Variants in MAST3 observed in about 807,000 individuals in gnomAD.
MAST3 encodes microtubule-associated serine/threonine-protein kinase 3.
Under a neutral mutation model 127.0 loss-of-function variants are expected in MAST3, and 43 were observed. The observed-to-expected ratio is 0.34, with a 90% CI of 0.27 to 0.44. The LOEUF (loss-of-function observed/expected upper bound fraction) is 0.44, where lower values mean the gene tolerates loss of function less well. Ranked by LOEUF, MAST3 falls within the 20% of genes least tolerant of loss-of-function variation. MAST3 has a pLI of 1.00. For synonymous variants in MAST3, 785 were observed against 809.2 expected, an observed-to-expected ratio of 0.97 and a Z score of 0.51; for missense variants, 1,390 against 1,919.1, an observed-to-expected ratio of 0.72 and a Z score of 5.15.
intron 3 of MAST3, among the ~76,000 whole-genome samples, chr19:18,121,205 G>C (rs2039941235): frequency 6.6e-6 from 1 of 151,890 alleles, no homozygotes; most frequent in Non-Finnish European, 1.5e-5. Context: ...ACCTAGGCTG[G>C]AGTGCTGTGG....
chr19:18,138,096 G>C (rs2042065138), intron 19 of MAST3, among the ~76,000 whole-genome samples: 1 of 151,854 alleles, frequency 6.6e-6, no homozygotes, highest in African/African-American at 2.4e-5. Flanking sequence ...TGTAATCCCA[G>C]CTATTTGGGA....
chr19:18,139,386 G>A (rs1419569305), intron 20 of MAST3, among the ~76,000 whole-genome samples: 5 of 152,094 alleles, frequency 3.3e-5, no homozygotes, highest in African/African-American at 9.7e-5. Flanking sequence ...GTGCAATGGC[G>A]CAGTCTCGGC....
At chr19:18,142,376 G>A (rs886492327) in intron 21 of MAST3, among the ~76,000 whole-genome samples, 12 of 129,218 alleles carry the variant, frequency 9.3e-5, no homozygotes, top group Admixed American at 2.5e-4. Context: ...TTTTGAGACG[G>A]AGTCTCGCTC....
chr19:18,127,281 C>A (rs2040762368), intron 11 of MAST3, among the ~76,000 whole-genome samples: 1 of 150,210 alleles, frequency 6.7e-6, no homozygotes, highest in Non-Finnish European at 1.5e-5. Context: ...GGTGCGGTGG[C>A]TCACGCCTGT....
chr19:18,129,033 T>TGCTGGGGTAGGAGGGGGATG, intron 13 of MAST3, 82 bp downstream of exon 13: 1 of 1,208,530 alleles, frequency 8.3e-7, no homozygotes, highest in Non-Finnish European at 1.2e-6. Flanking sequence ...TGCATCCCCC[T>TGCTGGGGTAGGAGGGGGATG]CCTACCCCAG....
chr19:18,151,656 G>A lies in MAST3; in HGVS notation c.*1930G>A, dbSNP rs2043531812. ...ATTCACCCCCTCCTTCCATCCTGGA[G>A]CTGGCAGTGAATAAAAGCCCGTATT... On this transcript the variant is annotated 3_prime_UTR_variant, in exon 28 of 28. Transcript: ENST00000687212. 1 of 152,272 alleles carries A rather than the reference G, an allele frequency of 6.6e-6. No individual in the cohort carries two copies. The highest frequency in any genetic ancestry group is 1.5e-5 in the Non-Finnish European group (1 of 68,060). The allele number at this position is 152,272 out of a possible 1,614,324, so 9.4% of individuals were successfully genotyped here. A position where few individuals can be genotyped will look rare whatever the true frequency, so the allele number is the denominator to read the frequency against.
rs2040005676 is a variant in MAST3, at chr19:18,121,748, C to T, written c.225C>T (p.Pro75=). Residue 75 remains proline (P), a synonymous_variant, in exon 4 of 28, where the codon CCC becomes CCT. Transcript: ENST00000687212. The stretch of plus-strand genomic sequence containing the variant: ...CGCCCTCCCCGACCCTCTCCCGGCC[C>T]CTGTCGCCATTGTCGGTCCCAACGG... ...VGTPSPTLSR[P]LSPLSVPTGS... The T allele has an allele frequency of 6.2e-7, 1 of 1,613,900 alleles. No individual in the cohort carries two copies. Among genetic ancestry groups the T allele is most frequent in the Admixed American group, 1.7e-5 (1 of 60,004 alleles).
At position 18,124,788 on chromosome 19, in the gene MAST3, G is replaced by C; in HGVS notation, c.1078+14G>C. 1.3e-6 allele frequency: 2 copies of C among 1,576,020 alleles called. No homozygotes were observed. The highest frequency in any genetic ancestry group is 1.7e-6 in the Non-Finnish European group (2 of 1,160,756). On this transcript the variant is annotated intron_variant, in intron 11 of 27. Coordinates refer to ENST00000687212, the MANE Select transcript of MAST3 (RefSeq NM_001393504.1). The stretch of plus-strand genomic sequence containing the variant: ...ACCCCCTGGAGGGTAAGCCGGGATG[G>C]GAAGAGGAAACCAAGGCTGGGAAAG...
At position 18,113,773 on chromosome 19, in the gene MAST3, T is replaced by C. The variant is rs183242318; in HGVS notation, c.161+3032T>C. 2.1e-4 allele frequency among the ~76,000 whole-genome samples: 32 copies of C among 152,236 alleles called. 1 individual carries two copies. The East Asian group carries it at 5.0e-3, about 24-fold the overall frequency. ...CACTGCGCCTGGCCTGATCTTTATA[T>C]TTTTAGTAGAGACAGGGTTTCACCA... On this transcript the variant is annotated intron_variant, in intron 3 of 27. Coordinates refer to ENST00000687212, the MANE Select transcript of MAST3 (RefSeq NM_001393504.1).
chr19:18,118,254 G>A (rs2039532957), intron 3 of MAST3: 1 of 985,322 alleles, frequency 1.0e-6, no homozygotes, highest in Non-Finnish European at 1.2e-6. Context: ...CGCTCCAAGA[G>A]GTAGGGGGCA....
rs534927224 is a variant in MAST3 at position 18,137,230 on chromosome 19, T to C, written c.1973-9T>C. ...AGGACCTGCAGGGCTCAGCGGGGCA[T>C]ATCTGCAGGTGGCACCCACGAAGTG... On this transcript the variant is annotated splice_polypyrimidine_tract_variant and intron_variant, in intron 18 of 27. Coordinates refer to ENST00000687212, the MANE Select transcript of MAST3 (RefSeq NM_001393504.1). The C allele has an allele frequency of 1.2e-6, 2 of 1,610,086 alleles. No individual in the cohort carries two copies. Among genetic ancestry groups the C allele is most frequent in the South Asian group, 2.2e-5 (2 of 90,626 alleles).
chr19:18,149,404 C>CGCCCCT lies in MAST3; in HGVS notation c.3727_3732dup (p.Leu1243_Pro1244dup). 1.4e-6 allele frequency: 2 copies of CGCCCCT among 1,460,154 alleles called. No homozygotes were observed. Among genetic ancestry groups the CGCCCCT allele is most frequent in the Non-Finnish European group, 1.8e-6 (2 of 1,113,914 alleles). The allele number at this position is 1,460,154 out of a possible 1,614,324, so 90.4% of individuals were successfully genotyped here. A position where few individuals can be genotyped will look rare whatever the true frequency, so the allele number is the denominator to read the frequency against. On this transcript the variant is annotated inframe_insertion, in exon 28 of 28. Transcript: ENST00000687212. This position sits in a 1 kb window ranked among gnomAD's most constrained non-coding sequence, Gnocchi z 5.9. ...TCCGCGCCCCCACCCCGCTCGCCCT[C>CGCCCCT]GCCCCTGCCCGGGCACCCGCCCGCA...
At position 18,150,786 on chromosome 19, in the gene MAST3, G is replaced by C. The variant is rs1245157071; in HGVS notation, c.*1060G>C. On this transcript the variant is annotated 3_prime_UTR_variant, in exon 28 of 28. Coordinates refer to ENST00000687212, the MANE Select transcript of MAST3 (RefSeq NM_001393504.1). ...TAGGTGTTCACCGGATCTGGGCAGA[G>C]GGGTCATCCGCTCCCCAGGTGGGCA... The C allele has an allele frequency of 6.6e-6, 1 of 152,308 alleles. No individual in the cohort carries two copies. The highest frequency in any genetic ancestry group is 1.5e-5 in the Non-Finnish European group (1 of 68,098). 9.4% of individuals were successfully genotyped at this position (152,308 alleles called of 1,614,324 possible). A position where few individuals can be genotyped will look rare whatever the true frequency, so the allele number is the denominator to read the frequency against.
chr19:18,150,030 G>C lies in MAST3; in HGVS notation c.*304G>C, dbSNP rs112170279. 48,701 of 296,598 alleles carry C rather than the reference G, an allele frequency of 0.16. 5,487 individuals carry two copies. Among genetic ancestry groups the C allele is most frequent in the Non-Finnish European group, 0.2 (32,450 of 158,828 alleles). The allele number at this position is 296,598 out of a possible 1,614,324, so 18.4% of individuals were successfully genotyped here. On this transcript the variant is annotated 3_prime_UTR_variant, in exon 28 of 28. Coordinates refer to ENST00000687212, the MANE Select transcript of MAST3 (RefSeq NM_001393504.1). The stretch of plus-strand genomic sequence containing the variant: ...GAGACAGAGTCTCACTCTGTTGCCC[G>C]GGCTGGAGTGCAGCGGCGTGATCTC...
chr19:18,150,009 C>G lies in MAST3; in HGVS notation c.*283C>G, dbSNP rs1322089011. The G allele has an allele frequency of 3.2e-6, 1 of 308,216 alleles. No homozygotes were observed. Among genetic ancestry groups the G allele is most frequent in the East Asian group, 7.4e-5 (1 of 13,538 alleles). 19.1% of individuals were successfully genotyped at this position (308,216 alleles called of 1,614,324 possible). A position where few individuals can be genotyped will look rare whatever the true frequency, so the allele number is the denominator to read the frequency against. On this transcript the variant is annotated 3_prime_UTR_variant, in exon 28 of 28. Coordinates refer to ENST00000687212, the MANE Select transcript of MAST3 (RefSeq NM_001393504.1). ...TCTTTTTTTTTTTTTTTTTTTGAGA[C>G]AGAGTCTCACTCTGTTGCCCGGGCT...
chr19:18,100,128 C>CTCTCTCTCTCTTTTTTTTTTTTTTTTT (rs776661078), intron 1 of MAST3, among the ~76,000 whole-genome samples: 1 of 121,720 alleles, frequency 8.2e-6, no homozygotes, highest in African/African-American at 2.8e-5. Context: ...CTCTCTCTCT[C>CTCTCTCTCTCTTTTTTTTTTTTTTTTT]TTTTTTTTTT....
chr19:18,124,244 G>T, intron 9 of MAST3, 21 bp from the exon 10 acceptor site: 1 of 1,595,882 alleles, frequency 6.3e-7, no homozygotes, highest in Non-Finnish European at 8.5e-7. Context: ...TGTGGGTGAT[G>T]CCACGACCCA....
At chr19:18,128,215 A>G (rs2040872524) in intron 11 of MAST3, among the ~76,000 whole-genome samples, 185 bp from the exon 12 acceptor site, 1 of 152,184 alleles carries the variant, frequency 6.6e-6, no homozygotes, top group Non-Finnish European at 1.5e-5. Context: ...CCCTTCTAGA[A>G]GGTTCCTAAG....
intron 10 of MAST3, 50 bp from the exon 11 acceptor site, chr19:18,124,592 G>A (rs1394737324): frequency 3.3e-6 from 5 of 1,522,904 alleles, no homozygotes; most frequent in Admixed American, 4.5e-5. Flanking sequence ...ATGTGCAGAG[G>A]CCTGCAGGTG....
Sources: gnomAD v4.1 joint callset for allele counts (sites outside exome capture counted in the v4.1 genomes callset) on GRCh38, gnomAD v4.1.1 for gene constraint, Gnocchi (gnomAD v3.1) non-coding constraint, MANE v1.5 for transcripts, NCBI Gene and HGNC (gene_info 2026-07-23, HGNC 2026-07-21) for gene names.